The following KIF1A variants were observed in gnomAD, a reference collection of about 807,000 sequenced individuals.
KIF1A encodes the protein kinesin family member 1A.
A neutral mutation model predicts 227.3 loss-of-function variants in KIF1A; 46 were observed. That is an observed-to-expected ratio of 0.20 (90% CI 0.16 to 0.26). The LOEUF is 0.26. Among genes scored for constraint, KIF1A ranks in the 10% least tolerant of loss-of-function variants. The pLI is 1.00. For synonymous variants in KIF1A, 1,022 were observed against 1,012.8 expected (o/e 1.01, Z -0.17); for missense variants, 1,683 against 2,485.9 (o/e 0.68, Z 6.87).
chr2:240,720,817 G>C (rs1460739254), intron 45 of KIF1A, 97 bp downstream of exon 45: 2 of 1,407,782 alleles, frequency 1.4e-6, no homozygotes, highest in Admixed American at 5.4e-5. Context: ...CGGCCATTGG[G>C]GCCCCCTGTT....
intron 28 of KIF1A, among the ~76,000 whole-genome samples, chr2:240,750,100 G>A (rs2049040153): frequency 6.6e-6 from 1 of 152,250 alleles, no homozygotes; most frequent in Non-Finnish European, 1.5e-5. Flanking sequence ...CCCCCAACCA[G>A]AGCAGGCTCA....
chr2:240,766,771 A>T lies in KIF1A; in HGVS notation c.1684+144T>A, dbSNP rs905665275. Reference sequence around the variant, plus strand: ...CTCTCACACACACACACACACACACACACACACACACACACGTCCTGCCTA... The same window carrying T: ...CTCTCACACACACACACACACACACTCACACACACACACACGTCCTGCCTA... On this transcript the variant is annotated intron_variant, in intron 19 of 48. Transcript: ENST00000498729. This position sits in a 1 kb window ranked among gnomAD's most constrained non-coding sequence, Gnocchi z 5.0. 3.3e-6 allele frequency: 2 copies of T among 615,110 alleles called. No individual in the cohort carries two copies. Among genetic ancestry groups the T allele is most frequent in the African/African-American group, 3.7e-5 (2 of 54,780 alleles). The allele number at this position is 615,110 out of a possible 1,614,324, so 38.1% of individuals were successfully genotyped here. A position where few individuals can be genotyped will look rare whatever the true frequency, so the allele number is the denominator to read the frequency against.
At position 240,722,483 on chromosome 2, in the gene KIF1A, G is replaced by T; in HGVS notation, c.4638C>A (p.Asn1546Lys). 6.5e-7 allele frequency: 1 copy of T among 1,547,304 alleles called. No homozygotes were observed. The highest frequency in any genetic ancestry group is 8.7e-7 in the Non-Finnish European group (1 of 1,146,812). The change falls in exon 43 of 49, where the codon AAC (asparagine) becomes AAA (lysine). Residue 1546 changes from asparagine (N) to lysine (K), a missense_variant. Around this residue, in one of 12 missense-constraint regions of KIF1A, gnomAD observed 384 missense variants for 410.1 expected, o/e 0.94. Transcript: ENST00000498729. ...TGACGGCCAGCTCCCGCTGCCTCTC[G>T]TTGGGAGCCTCCAGGGGTGATGGGC... ...EGRPSPLEAPNERQRELAVKC... is the reference protein window; with the variant it reads ...EGRPSPLEAPKERQRELAVKC...
At chr2:240,807,254 T>C (rs2057513340) in intron 1 of KIF1A, among the ~76,000 whole-genome samples, 1 of 152,046 alleles carries the variant, frequency 6.6e-6, no homozygotes. Flanking sequence ...CAAGCGATTC[T>C]CCTGCCTCAG....
chr2:240,766,797 G>T lies in KIF1A; in HGVS notation c.1684+118C>A. ...CACACACACACACACGTCCTGCCTA[G>T]AAGTATGACTCGCGACCCACTTAGT... On this transcript the variant is annotated intron_variant, in intron 19 of 48. Coordinates refer to ENST00000498729, the MANE Select transcript of KIF1A (RefSeq NM_001244008.2). This position sits in a 1 kb window ranked among gnomAD's most constrained non-coding sequence, Gnocchi z 5.0. 6.0e-6 allele frequency: 3 copies of T among 500,818 alleles called. No individual in the cohort carries two copies. The highest frequency in any genetic ancestry group is 3.2e-4 in the Middle Eastern group (1 of 3,174). 31.0% of individuals were successfully genotyped at this position (500,818 alleles called of 1,614,324 possible).
intron 20 of KIF1A, among the ~76,000 whole-genome samples, chr2:240,763,981 C>G (rs963066294): frequency 6.6e-6 from 1 of 152,146 alleles, no homozygotes; most frequent in South Asian, 2.1e-4. Context: ...CCCGGCTGGA[C>G]CCCCCTCAGG....
At chr2:240,765,377 C>G (rs1013208429) in intron 20 of KIF1A, among the ~76,000 whole-genome samples, 1 of 152,248 alleles carries the variant, frequency 6.6e-6, no homozygotes, top group Non-Finnish European at 1.5e-5. Flanking sequence ...TCCCCCAGAC[C>G]AGCCCGACAG....
intron 34 of KIF1A, 101 bp from the exon 35 acceptor site, chr2:240,741,478 G>A (rs1352997870): frequency 1.2e-6 from 1 of 821,808 alleles, no homozygotes; most frequent in Non-Finnish European, 1.8e-6. Flanking sequence ...GGGACTCAGA[G>A]GCAGCAAGGG....
At position 240,775,597 on chromosome 2, in the gene KIF1A, C is replaced by T. The variant is rs555031282; in HGVS notation, c.958+254G>A. Among the ~76,000 whole-genome samples, 2 of 152,358 alleles carry T rather than the reference C, an allele frequency of 1.3e-5. No individual in the cohort carries two copies. Among genetic ancestry groups the T allele is most frequent in the African/African-American group, 4.8e-5 (2 of 41,588 alleles). On this transcript the variant is annotated intron_variant, in intron 11 of 48. Transcript: ENST00000498729. This position sits in a 1 kb window ranked among gnomAD's most constrained non-coding sequence, Gnocchi z 5.5. ...CCCACCTGACCCAGGACCACTGACACAGGCAGGTGTGTGCTGTGCCACCCC... is the reference window on the plus strand; with the variant it reads ...CCCACCTGACCCAGGACCACTGACATAGGCAGGTGTGTGCTGTGCCACCCC...
Position 240,745,467 on chromosome 2 carries a change from G to A in KIF1A, c.3425C>T (p.Thr1142Ile), listed in dbSNP as rs1247094204. The change falls in exon 32 of 49, where the codon ACA (threonine) becomes ATA (isoleucine). Residue 1142 changes from threonine to isoleucine, a missense_variant. Around this residue, in one of 12 missense-constraint regions of KIF1A, gnomAD observed 759 missense variants for 1,020.2 expected, o/e 0.74. Coordinates refer to ENST00000498729, the MANE Select transcript of KIF1A (RefSeq NM_001244008.2). ...EAFSTEPLKN[T>I]GRGPPLGFYH... ...GAAGCCAAGTGGGGGGCCTCTGCCT[G>A]TGTTCTTCAGGGGCTCTGTGGAGAA... The A allele has an allele frequency of 6.2e-7, 1 of 1,613,788 alleles. No individual in the cohort carries two copies. Among genetic ancestry groups the A allele is most frequent in the Non-Finnish European group, 8.5e-7 (1 of 1,179,770 alleles).
chr2:240,744,885 T>C (rs59366576), intron 32 of KIF1A, among the ~76,000 whole-genome samples: 8,621 of 152,184 alleles, frequency 0.057, 271 homozygotes, highest in African/African-American at 0.075. Flanking sequence ...GTAGCTTTCC[T>C]TATCACCGTT....
At chr2:240,795,659 G>A (rs2056291463) in intron 2 of KIF1A, among the ~76,000 whole-genome samples, 1 of 152,190 alleles carries the variant, frequency 6.6e-6, no homozygotes, top group African/African-American at 2.4e-5. Flanking sequence ...CCTATGAGGG[G>A]AAATGCATAA....
intron 10 of KIF1A, among the ~76,000 whole-genome samples, chr2:240,781,459 AG>A (rs2053977912): frequency 2.8e-4 from 10 of 35,606 alleles, no homozygotes; most frequent in African/African-American, 2.0e-3. Flanking sequence ...ACACACACAC[AG>A]CTCCACACAC....
rs918265047 is a variant in KIF1A, at chr2:240,778,060, C to T, written c.883-2134G>A. On this transcript the variant is annotated intron_variant, in intron 10 of 48. Coordinates refer to ENST00000498729, the MANE Select transcript of KIF1A (RefSeq NM_001244008.2). The surrounding 1 kb of genome is among the most constrained non-coding windows in gnomAD (Gnocchi z 7.2). ...AGCTCACCACACAGTTCCTCAGCTCCTCCCGCTCCCCACGCACTTCCTCGC... is the reference window on the plus strand; with the variant it reads ...AGCTCACCACACAGTTCCTCAGCTCTTCCCGCTCCCCACGCACTTCCTCGC... Among the ~76,000 whole-genome samples the T allele has an allele frequency of 1.3e-5, 2 of 152,154 alleles. No individual in the cohort carries two copies. Among genetic ancestry groups the T allele is most frequent in the Non-Finnish European group, 2.9e-5 (2 of 68,022 alleles).
In KIF1A at chr2:240,720,601, G is replaced by A. The variant is rs144592583; in HGVS notation, c.4868+313C>T. On this transcript the variant is annotated intron_variant, in intron 45 of 48. Coordinates refer to ENST00000498729, the MANE Select transcript of KIF1A (RefSeq NM_001244008.2). ...TCTAACGGCTCTCATGCCCTCTTTCGTAACCTTTTCTTTTTCCATTATTTT... is the reference window on the plus strand; with the variant it reads ...TCTAACGGCTCTCATGCCCTCTTTCATAACCTTTTCTTTTTCCATTATTTT... 2.1e-4 allele frequency: 46 copies of A among 223,008 alleles called. No homozygotes were observed. In the East Asian group the frequency reaches 2.4e-3, roughly 12 times the overall value. The allele number at this position is 223,008 out of a possible 1,614,324, so 13.8% of individuals were successfully genotyped here.
intron 1 of KIF1A, among the ~76,000 whole-genome samples, chr2:240,799,366 T>G (rs2056745274): frequency 1.3e-5 from 2 of 152,178 alleles, no homozygotes; most frequent in East Asian, 1.9e-4. Context: ...AGGCTGGATG[T>G]GGGGCAGGGC....
At chr2:240,762,984 G>A in intron 22 of KIF1A, 35 bp downstream of exon 22, 1 of 1,448,746 alleles carries the variant, frequency 6.9e-7, no homozygotes, top group Non-Finnish European at 9.1e-7. Flanking sequence ...GTGTGGGTGG[G>A]GGCTGGGCAG....
chr2:240,743,079 C>T lies in KIF1A; in HGVS notation c.3585-95G>A, dbSNP rs56229420. The T allele has an allele frequency of 0.016, 15,440 of 948,910 alleles. 149 individuals carry two copies. The highest frequency in any genetic ancestry group is 0.019 in the African/African-American group (1,121 of 60,494). The allele number at this position is 948,910 out of a possible 1,614,324, so 58.8% of individuals were successfully genotyped here. A position where few individuals can be genotyped will look rare whatever the true frequency, so the allele number is the denominator to read the frequency against. ...GGCTACAGGCCCCAGGTGCCCATCC[C>T]GGCCCCTCCCACCCTCTCTTCTCCA... is the stretch of plus-strand genomic sequence containing the variant. On this transcript the variant is annotated intron_variant, in intron 33 of 48. Transcript: ENST00000498729.
chr2:240,782,484 C>T, intron 10 of KIF1A, 106 bp downstream of exon 10: 1 of 1,243,238 alleles, frequency 8.0e-7, no homozygotes, highest in South Asian at 1.3e-5. Flanking sequence ...CCCCATCTCC[C>T]AGCGCACTCA....
Sources: allele counts gnomAD v4.1 joint callset (sites outside exome capture counted in the v4.1 genomes callset), GRCh38; gene constraint gnomAD v4.1.1; regional missense constraint gnomAD v4.1.1; non-coding constraint Gnocchi (gnomAD v3.1); transcripts MANE v1.5; gene names NCBI Gene and HGNC (gene_info 2026-07-23, HGNC 2026-07-21).